PTPN9: variants seen among roughly 807,000 people sequenced by gnomAD.
The protein encoded by PTPN9 is protein tyrosine phosphatase non-receptor type 9.
A neutral mutation model predicts 69.8 loss-of-function variants in PTPN9; 26 were observed. The ratio of observed to expected loss-of-function variants is 0.37; its 90% CI spans 0.27 to 0.52. The LOEUF is 0.52. Among genes scored for constraint, PTPN9 ranks in the 20% least tolerant of loss-of-function variants. PTPN9 has a pLI of 0.91. For synonymous variants in PTPN9, 274 were observed against 272.5 expected (o/e 1.01, Z -0.05); for missense variants, 549 against 740.3 (o/e 0.74, Z 3.00).
intron 1 of PTPN9, among the ~76,000 whole-genome samples, chr15:75,536,365 A>G (rs1420571001): frequency 1.3e-5 from 2 of 152,222 alleles, no homozygotes; most frequent in East Asian, 3.8e-4. Flanking sequence ...GTTTACAATC[A>G]TTTAACTATG....
intron 1 of PTPN9, among the ~76,000 whole-genome samples, chr15:75,543,841 TAA>T (rs1319196222): frequency 1.3e-5 from 2 of 152,102 alleles, no homozygotes; most frequent in African/African-American, 4.8e-5. Flanking sequence ...CAAACAATAA[TAA>T]GTTTGTTGGT....
chr15:75,543,997 G>C (rs557291043), intron 1 of PTPN9, among the ~76,000 whole-genome samples: 5 of 152,238 alleles, frequency 3.3e-5, no homozygotes, highest in African/African-American at 1.2e-4. Flanking sequence ...GGAGGCATTT[G>C]CCAATAGCAT....
chr15:75,500,370 CAT>C (rs1555454396), intron 7 of PTPN9, among the ~76,000 whole-genome samples: 20 of 149,354 alleles, frequency 1.3e-4, no homozygotes, highest in African/African-American at 3.7e-4. Flanking sequence ...CACACACACA[CAT>C]ATATATACAC....
At chr15:75,504,601 C>A (rs531889537) in intron 7 of PTPN9, among the ~76,000 whole-genome samples, 1 of 136,944 alleles carries the variant, frequency 7.3e-6, no homozygotes, top group East Asian at 2.3e-4. Flanking sequence ...AAGTGAGGAG[C>A]CCCTCTGCCC....
chr15:75,553,816 C>G (rs1415633861), intron 1 of PTPN9, among the ~76,000 whole-genome samples: 1 of 152,034 alleles, frequency 6.6e-6, no homozygotes, highest in African/African-American at 2.4e-5. Flanking sequence ...AGACCCAACC[C>G]TGTACCCTGG....
chr15:75,480,356 G>T (rs1350311878), intron 8 of PTPN9, among the ~76,000 whole-genome samples: 1 of 152,144 alleles, frequency 6.6e-6, no homozygotes, highest in South Asian at 2.1e-4. Context: ...TGTAATCCCA[G>T]CACTTTGGGA....
At chr15:75,565,166 T>C (rs1013586307) in intron 1 of PTPN9, among the ~76,000 whole-genome samples, 1 of 150,324 alleles carries the variant, frequency 6.7e-6, no homozygotes, top group Non-Finnish European at 1.5e-5. Context: ...AAAAGCTAAA[T>C]AAAATCCCTC....
At chr15:75,504,164 C>T (rs1384560344) in intron 7 of PTPN9, among the ~76,000 whole-genome samples, 1 of 110,682 alleles carries the variant, frequency 9.0e-6, no homozygotes, top group African/African-American at 3.5e-5. Context: ...CCGCCCCGTC[C>T]GGGAGGGAGG....
At chr15:75,559,644 C>T (rs2075094960) in intron 1 of PTPN9, among the ~76,000 whole-genome samples, 1 of 151,950 alleles carries the variant, frequency 6.6e-6, no homozygotes, top group Non-Finnish European at 1.5e-5. Flanking sequence ...CGGAAGGCCG[C>T]AGGGTCCTCT....
intron 6 of PTPN9, 23 bp from the exon 7 acceptor site, chr15:75,506,026 G>T: frequency 6.4e-7 from 1 of 1,554,058 alleles, no homozygotes; most frequent in Non-Finnish European, 8.9e-7. Flanking sequence ...AAAGAACCAT[G>T]TGAGTATGTG....
intron 1 of PTPN9, among the ~76,000 whole-genome samples, chr15:75,546,667 T>G (rs373912527): frequency 6.6e-6 from 1 of 151,544 alleles, no homozygotes; most frequent in Non-Finnish European, 1.5e-5. Flanking sequence ...AATAGAGAAC[T>G]TCATTAACCT....
At chr15:75,539,194 G>A (rs976621599) in intron 1 of PTPN9, among the ~76,000 whole-genome samples, 1 of 151,976 alleles carries the variant, frequency 6.6e-6, no homozygotes, top group Non-Finnish European at 1.5e-5. Flanking sequence ...TGATCCGCCC[G>A]CCTTGGCCTC....
intron 9 of PTPN9, among the ~76,000 whole-genome samples, chr15:75,474,331 C>A (rs11634863): frequency 0.33 from 50,110 of 151,896 alleles, 9,163 homozygotes; most frequent in Middle Eastern, 0.48. Flanking sequence ...ATCAGCCTGG[C>A]AACATGGTAA....
rs961744653 is a variant in PTPN9, at chr15:75,467,396, C to G, written c.*1373G>C. On this transcript the variant is annotated 3_prime_UTR_variant, in exon 13 of 13. Coordinates refer to ENST00000618819, the MANE Select transcript of PTPN9 (RefSeq NM_002833.4). ...TTGGGAATGTGGAGTGCTGAGGACT[C>G]TTGATTTATCCCTAGCACATAAGGA... 2 of 152,496 alleles carry G rather than the reference C, an allele frequency of 1.3e-5. No individual in the cohort carries two copies. The highest frequency in any genetic ancestry group is 1.5e-5 in the Non-Finnish European group (1 of 68,012). The allele number at this position is 152,496 out of a possible 1,614,324, so 9.4% of individuals were successfully genotyped here. A position where few individuals can be genotyped will look rare whatever the true frequency, so the allele number is the denominator to read the frequency against.
intron 1 of PTPN9, among the ~76,000 whole-genome samples, chr15:75,561,559 GTA>G (rs1191071689): frequency 1.3e-5 from 2 of 151,996 alleles, no homozygotes; most frequent in Non-Finnish European, 2.9e-5. Context: ...AGATTAAACT[GTA>G]TATATATAAG....
At chr15:75,575,471 GC>G (rs1004131314) in intron 1 of PTPN9, among the ~76,000 whole-genome samples, 1 of 152,106 alleles carries the variant, frequency 6.6e-6, no homozygotes, top group Non-Finnish European at 1.5e-5. Context: ...CAAAGATTCT[GC>G]CACAAGCTTC....
chr15:75,473,844 C>T, intron 9 of PTPN9, 77 bp from the exon 10 acceptor site: 2 of 1,117,734 alleles, frequency 1.8e-6, no homozygotes, highest in Admixed American at 1.8e-5. Context: ...CTGTTTTACT[C>T]CCCAATGGTA....
chr15:75,483,817 CTG>C (rs1471143954), intron 8 of PTPN9, among the ~76,000 whole-genome samples: 2 of 152,214 alleles, frequency 1.3e-5, no homozygotes. Flanking sequence ...AACTGACAAA[CTG>C]CATCTGCCGC....
intron 12 of PTPN9, 111 bp from the exon 13 acceptor site, chr15:75,469,094 G>T: frequency 9.8e-7 from 1 of 1,023,190 alleles, no homozygotes; most frequent in Non-Finnish European, 1.4e-6. Flanking sequence ...AGTGCCTCAT[G>T]GCAGAAGGCC....
Sources: gnomAD v4.1 joint callset for allele counts (sites outside exome capture counted in the v4.1 genomes callset) on GRCh38, gnomAD v4.1.1 for gene constraint, MANE v1.5 for transcripts, NCBI Gene and HGNC (gene_info 2026-07-23, HGNC 2026-07-21) for gene names.